Variants in ITPK1 observed in about 807,000 individuals in gnomAD.
ITPK1 encodes the protein inositol 1,3,4-trisphosphate 5/6-kinase.
ITPK1 carries 21 observed loss-of-function variants against 45.3 expected under a neutral mutation model. That is an observed-to-expected ratio of 0.46 (90% CI 0.33 to 0.67). The LOEUF (loss-of-function observed/expected upper bound fraction) is 0.67, where lower values mean the gene tolerates loss of function less well. Among genes scored for constraint, ITPK1 ranks in the 30% least tolerant of loss-of-function variants. The probability of loss-of-function intolerance (pLI) is 0.02; values close to 1 mark genes in which losing one functional copy is unlikely to be tolerated. For missense variants in ITPK1, 474 were observed against 573.5 expected, an observed-to-expected ratio of 0.83 and a Z score of 1.77; for synonymous variants, 258 against 253.6, an observed-to-expected ratio of 1.02 and a Z score of -0.16.
At chr14:93,091,435 C>T (rs1158665076) in intron 2 of ITPK1, among the ~76,000 whole-genome samples, 1 of 152,206 alleles carries the variant, frequency 6.6e-6, no homozygotes, top group Non-Finnish European at 1.5e-5. Context: ...TCGGGCTCTT[C>T]CCAAGAAGGC....
intron 2 of ITPK1, among the ~76,000 whole-genome samples, chr14:93,093,064 A>G (rs1215229338): frequency 6.6e-6 from 1 of 152,102 alleles, no homozygotes; most frequent in Non-Finnish European, 1.5e-5. Context: ...ACTCATTACC[A>G]CATGACCCCT....
At chr14:93,021,791 C>A (rs771421311) in intron 3 of ITPK1, among the ~76,000 whole-genome samples, 1 of 151,974 alleles carries the variant, frequency 6.6e-6, no homozygotes, top group Admixed American at 6.6e-5. Flanking sequence ...GGGGCTGCCA[C>A]CAAGACCAGC....
chr14:92,956,970 G>A (rs2139729014), intron 8 of ITPK1, among the ~76,000 whole-genome samples: 1 of 152,260 alleles, frequency 6.6e-6, no homozygotes, highest in South Asian at 2.1e-4. Flanking sequence ...CGCCCAGCTA[G>A]GAAGGCCACC....
At chr14:92,945,253 C>G (rs1336547493) in intron 10 of ITPK1, among the ~76,000 whole-genome samples, 2 of 152,272 alleles carry the variant, frequency 1.3e-5, no homozygotes, top group Non-Finnish European at 2.9e-5. Context: ...AGCCAGCACA[C>G]TCCTCTGAGC....
chr14:92,963,444 C>T (rs1885191687), intron 5 of ITPK1, among the ~76,000 whole-genome samples: 1 of 152,210 alleles, frequency 6.6e-6, no homozygotes, highest in South Asian at 2.1e-4. Context: ...ACAACTGTTT[C>T]CACATGGACA....
intron 5 of ITPK1, among the ~76,000 whole-genome samples, chr14:92,984,836 T>C (rs1886416089): frequency 6.6e-6 from 1 of 152,216 alleles, no homozygotes; most frequent in Admixed American, 6.5e-5. Flanking sequence ...GTTCGGTAAA[T>C]ACCACAGTAA....
At chr14:93,048,746 C>T (rs1889887999) in intron 3 of ITPK1, among the ~76,000 whole-genome samples, 3 of 152,224 alleles carry the variant, frequency 2.0e-5, no homozygotes, top group Admixed American at 6.5e-5. Flanking sequence ...CTCAGGAGTT[C>T]GAGACCAGCC....
chr14:92,975,549 A>G (rs1885897777), intron 5 of ITPK1, among the ~76,000 whole-genome samples: 1 of 152,200 alleles, frequency 6.6e-6, no homozygotes, highest in African/African-American at 2.4e-5. Context: ...GGGTTCCCAC[A>G]TATTTGGTTA....
intron 2 of ITPK1, among the ~76,000 whole-genome samples, chr14:93,104,507 G>A (rs368882192): frequency 4.5e-4 from 69 of 151,978 alleles, no homozygotes; most frequent in African/African-American, 1.6e-3. Context: ...GACATCGATC[G>A]ACGGCAGCTG....
At chr14:93,057,539 A>C (rs1890257599) in intron 3 of ITPK1, among the ~76,000 whole-genome samples, 1 of 152,266 alleles carries the variant, frequency 6.6e-6, no homozygotes, top group African/African-American at 2.4e-5. Context: ...AGGCTAAGAA[A>C]GGAAACAGAC....
In ITPK1 at chr14:92,937,621, G is replaced by T. The variant is rs527943694; in HGVS notation, c.*3940C>A. ...ACTCACTCCAAACCACACTGACAAT[G>T]GCTGTGCAGAGAGAAGGTACACAGC... On this transcript the variant is annotated 3_prime_UTR_variant, in exon 11 of 11. Coordinates refer to ENST00000267615, the MANE Select transcript of ITPK1 (RefSeq NM_014216.6). The T allele has an allele frequency of 6.6e-6, 1 of 152,486 alleles. No individual in the cohort carries two copies. The highest frequency in any genetic ancestry group is 2.4e-5 in the African/African-American group (1 of 41,580). 9.4% of individuals were successfully genotyped at this position (152,486 alleles called of 1,614,324 possible).
intron 6 of ITPK1, 52 bp from the exon 7 acceptor site, chr14:92,962,447 A>T: frequency 1.6e-6 from 2 of 1,244,458 alleles, no homozygotes; most frequent in Non-Finnish European, 2.4e-6. Context: ...CCGTTCACCC[A>T]CAAGGCAGGT....
intron 4 of ITPK1, among the ~76,000 whole-genome samples, chr14:93,010,321 A>T (rs148615720): frequency 1.3e-3 from 201 of 152,336 alleles, no homozygotes; most frequent in African/African-American, 4.5e-3. Flanking sequence ...TGTGCTGGCG[A>T]CTGCTCAATA....
At chr14:93,045,720 A>G (rs1158508906) in intron 3 of ITPK1, among the ~76,000 whole-genome samples, 1 of 152,214 alleles carries the variant, frequency 6.6e-6, no homozygotes, top group Non-Finnish European at 1.5e-5. Flanking sequence ...CTAATTAACA[A>G]GGACCAGTAA....
rs187243652 is a variant in ITPK1, at chr14:92,992,532, C to T, written c.364+1348G>A. ...TGACACCCCCATTCTCTGCACCCAG[C>T]GGTGTGTCAGGCATTCAGGGAAAGA... On this transcript the variant is annotated intron_variant, in intron 5 of 10. Coordinates refer to ENST00000267615, the MANE Select transcript of ITPK1 (RefSeq NM_014216.6). 5.9e-5 allele frequency among the ~76,000 whole-genome samples: 9 copies of T among 152,358 alleles called. No individual in the cohort carries two copies. The East Asian group carries it at 1.3e-3, about 23-fold the overall frequency.
intron 2 of ITPK1, among the ~76,000 whole-genome samples, chr14:93,097,201 C>A (rs1201461903): frequency 6.6e-6 from 1 of 152,202 alleles, no homozygotes; most frequent in African/African-American, 2.4e-5. Flanking sequence ...AGGGCTTGAC[C>A]CTCCCTGTAT....
At position 93,088,067 on chromosome 14, in the gene ITPK1, G is replaced by A. The variant is rs562409841; in HGVS notation, c.96-11448C>T. ...GGCACCTGACCCTAAAACAGGCAGCGCTTCATCGGCTACCCGAGAGACTCT... is the reference window on the plus strand; with the variant it reads ...GGCACCTGACCCTAAAACAGGCAGCACTTCATCGGCTACCCGAGAGACTCT... On this transcript the variant is annotated intron_variant, in intron 2 of 10. Coordinates refer to ENST00000267615, the MANE Select transcript of ITPK1 (RefSeq NM_014216.6). Among the ~76,000 whole-genome samples the A allele has an allele frequency of 5.9e-5, 9 of 152,316 alleles. No homozygotes were observed. In the East Asian group the frequency reaches 1.2e-3, roughly 20 times the overall value.
intron 5 of ITPK1, among the ~76,000 whole-genome samples, chr14:92,972,655 G>T (rs1885719965): frequency 6.6e-6 from 1 of 152,154 alleles, no homozygotes; most frequent in African/African-American, 2.4e-5. Context: ...GAGGCATCGT[G>T]ATCTCAGCTC....
rs181887844 is a variant in ITPK1 at position 93,002,123 on chromosome 14, G to A, written c.247-8126C>T. On this transcript the variant is annotated intron_variant, in intron 4 of 10. Transcript: ENST00000267615. ...AATTCCAGCATTCTGTGAGGCCAAG[G>A]CAAGTGGACTGCTTGAGTCTGAGAG... Among the ~76,000 whole-genome samples, 53 of 152,288 alleles carry A rather than the reference G, an allele frequency of 3.5e-4. 1 individual carries two copies. The highest frequency in any genetic ancestry group is 1.1e-3 in the African/African-American group (45 of 41,552).
Sources: gnomAD v4.1 joint callset for allele counts (sites outside exome capture counted in the v4.1 genomes callset) on GRCh38, gnomAD v4.1.1 for gene constraint, MANE v1.5 for transcripts, NCBI Gene and HGNC (gene_info 2026-07-23, HGNC 2026-07-21) for gene names.